The following IL1RAPL1 variants were observed in gnomAD, a reference collection of about 807,000 sequenced individuals.
IL1RAPL1 encodes the protein interleukin-1 receptor accessory protein-like 1.
Under a neutral mutation model 48.4 loss-of-function variants are expected in IL1RAPL1, and 3 were observed. The observed-to-expected ratio is 0.06, with a 90% CI of 0.03 to 0.16. The LOEUF is 0.16. IL1RAPL1 is among the 10% of genes least tolerant of loss of function. The pLI is 1.00. For synonymous variants in IL1RAPL1, 185 were observed against 187.7 expected, an observed-to-expected ratio of 0.99 and a Z score of 0.12; for missense variants, 349 against 530.6, an observed-to-expected ratio of 0.66 and a Z score of 3.36.
At chrX:29,561,843 A>G (rs1393375823) in intron 5 of IL1RAPL1, among the ~76,000 whole-genome samples, 1 of 110,694 alleles carries the variant, frequency 9.0e-6, no homozygotes, top group Non-Finnish European at 1.9e-5. Context: ...GAAAACTCTT[A>G]TCCCACCATC....
chrX:29,785,371 C>G (rs1333479994), intron 6 of IL1RAPL1, among the ~76,000 whole-genome samples: 5 of 112,092 alleles, frequency 4.5e-5, no homozygotes, highest in African/African-American at 1.6e-4. Flanking sequence ...GGATATGGAG[C>G]AAGTAGAACA....
chrX:29,571,217 C>T (rs1441761915), intron 5 of IL1RAPL1, among the ~76,000 whole-genome samples: 1 of 106,780 alleles, frequency 9.4e-6, no homozygotes, highest in South Asian at 4.0e-4. Flanking sequence ...GTGAAGACTC[C>T]GTCTCAAAAT....
intron 2 of IL1RAPL1, among the ~76,000 whole-genome samples, chrX:29,014,914 T>C (rs186869726): frequency 2.7e-5 from 3 of 111,657 alleles, no homozygotes; most frequent in African/African-American, 9.8e-5. Flanking sequence ...TAGTTGCTGC[T>C]AGTGCCAATC....
chrX:28,745,717 A>T (rs1253361139), intron 1 of IL1RAPL1, among the ~76,000 whole-genome samples: 1 of 111,800 alleles, frequency 8.9e-6, no homozygotes, highest in African/African-American at 3.2e-5. Flanking sequence ...TTGTGCACAT[A>T]AACATTTTGA....
intron 2 of IL1RAPL1, among the ~76,000 whole-genome samples, chrX:29,158,900 T>G (rs1436167820): frequency 3.1e-5 from 3 of 96,578 alleles, no homozygotes; most frequent in African/African-American, 4.2e-5. Flanking sequence ...CTTTTCTTTT[T>G]TCTTTTCTTT....
intron 2 of IL1RAPL1, among the ~76,000 whole-genome samples, chrX:28,982,128 G>T (rs1380097534): frequency 8.9e-6 from 1 of 111,945 alleles, no homozygotes; most frequent in Non-Finnish European, 1.9e-5. Flanking sequence ...AGAGAGCAAG[G>T]TGTCTGTTTT....
chrX:28,979,356 A>G (rs911617840), intron 2 of IL1RAPL1, among the ~76,000 whole-genome samples: 15 of 112,349 alleles, frequency 1.3e-4, no homozygotes, highest in African/African-American at 4.8e-4. Context: ...TGTTCAATAT[A>G]CTTTCATGTG....
At chrX:29,018,146 G>T (rs1926283460) in intron 2 of IL1RAPL1, among the ~76,000 whole-genome samples, 1 of 111,734 alleles carries the variant, frequency 8.9e-6, no homozygotes, top group South Asian at 3.7e-4. Flanking sequence ...TTCACTGTGT[G>T]CCAATTTCTA....
intron 5 of IL1RAPL1, among the ~76,000 whole-genome samples, chrX:29,550,414 C>T (rs987876792): frequency 3.6e-5 from 4 of 111,021 alleles, no homozygotes; most frequent in Admixed American, 1.9e-4. Flanking sequence ...GATCTGACCT[C>T]GTGATCCGCC....
intron 3 of IL1RAPL1, among the ~76,000 whole-genome samples, chrX:29,366,460 A>G (rs1933456612): frequency 9.1e-6 from 1 of 110,258 alleles, no homozygotes; most frequent in East Asian, 2.9e-4. Context: ...CACAGGGATG[A>G]TTCAAATAGC....
chrX:29,573,137 C>T (rs1304026035), intron 5 of IL1RAPL1, among the ~76,000 whole-genome samples: 8 of 111,977 alleles, frequency 7.1e-5, no homozygotes, highest in Non-Finnish European at 1.1e-4. Context: ...CAAACAAACT[C>T]TCTCAGGCTT....
At chrX:29,463,612 T>C (rs940968282) in intron 5 of IL1RAPL1, among the ~76,000 whole-genome samples, 1 of 112,095 alleles carries the variant, frequency 8.9e-6, no homozygotes, top group Non-Finnish European at 1.9e-5. Context: ...GATAAAAATT[T>C]AATGGAATGT....
intron 2 of IL1RAPL1, among the ~76,000 whole-genome samples, chrX:29,191,020 C>T (rs1201667520): frequency 6.3e-5 from 7 of 110,912 alleles, no homozygotes; most frequent in South Asian, 3.7e-4. Context: ...CTCTGAAATG[C>T]GCATATATTT....
At chrX:29,933,119 G>A (rs1371303365) in intron 8 of IL1RAPL1, among the ~76,000 whole-genome samples, 1 of 111,106 alleles carries the variant, frequency 9.0e-6, no homozygotes, top group Non-Finnish European at 1.9e-5. Flanking sequence ...TCACTCATAA[G>A]TGGGAGTAGA....
At chrX:28,792,046 T>A (rs2147266397) in intron 2 of IL1RAPL1, among the ~76,000 whole-genome samples, 1 of 112,097 alleles carries the variant, frequency 8.9e-6, no homozygotes, top group Admixed American at 9.4e-5. Context: ...ATTTTTGATG[T>A]TTGATTTTAC....
chrX:28,724,750 T>G (rs1024998030), intron 1 of IL1RAPL1, among the ~76,000 whole-genome samples: 8 of 111,200 alleles, frequency 7.2e-5, no homozygotes, highest in Non-Finnish European at 1.3e-4. Flanking sequence ...TTTCTTTCCA[T>G]GTTTAGTGCT....
At chrX:28,861,885 G>A (rs1921953823) in intron 2 of IL1RAPL1, among the ~76,000 whole-genome samples, 1 of 109,182 alleles carries the variant, frequency 9.2e-6, no homozygotes, top group East Asian at 2.9e-4. Context: ...TTTTCCCCTT[G>A]ACCTAGATCA....
At chrX:29,179,601 G>A (rs934981957) in intron 2 of IL1RAPL1, among the ~76,000 whole-genome samples, 2 of 111,376 alleles carry the variant, frequency 1.8e-5, no homozygotes, top group Non-Finnish European at 3.8e-5. Context: ...GGTGGGCCTG[G>A]TGCAGTCACA....
intron 2 of IL1RAPL1, among the ~76,000 whole-genome samples, chrX:29,209,052 G>A (rs948686518): frequency 1.4e-4 from 16 of 111,594 alleles, no homozygotes; most frequent in African/African-American, 5.2e-4. Context: ...CTTCTATTTA[G>A]CACTCTTTCC....
Sources: allele counts gnomAD v4.1 joint callset (sites outside exome capture counted in the v4.1 genomes callset), GRCh38; gene constraint gnomAD v4.1.1; transcripts MANE v1.5; gene names NCBI Gene and HGNC (gene_info 2026-07-23, HGNC 2026-07-21).